FLNB: variants seen among roughly 807,000 people sequenced by gnomAD.
FLNB encodes filamin-B.
Under a neutral mutation model 250.6 loss-of-function variants are expected in FLNB, and 111 were observed. That is an observed-to-expected ratio of 0.44 (90% CI 0.38 to 0.52). The LOEUF (loss-of-function observed/expected upper bound fraction) is 0.52. FLNB is among the 20% of genes least tolerant of loss of function. The probability of loss-of-function intolerance (pLI) is 0.00; values close to 1 mark genes in which losing one functional copy is unlikely to be tolerated. For missense variants in FLNB, 2,869 were observed against 3,447.8 expected (o/e 0.83, Z 4.20); for synonymous variants, 1,302 against 1,372.1 (o/e 0.95, Z 1.13).
intron 36 of FLNB, chr3:58,149,123 CCT>C (rs1003310826): frequency 2.7e-5 from 13 of 474,982 alleles, no homozygotes; most frequent in Admixed American, 1.0e-4. Context: ...CTCGCAAACC[CCT>C]GTTTTCTTAT....
intron 1 of FLNB, among the ~76,000 whole-genome samples, chr3:58,067,853 G>A (rs185949478): frequency 7.5e-4 from 114 of 152,256 alleles, no homozygotes; most frequent in South Asian, 6.6e-3. Flanking sequence ...GGGATTACAG[G>A]CGTGAGCCAC....
chr3:58,112,161 G>A lies in FLNB; in HGVS notation c.2588G>A (p.Gly863Glu), dbSNP rs550824256. 10 of 1,614,094 alleles carry A rather than the reference G, an allele frequency of 6.2e-6. No homozygotes were observed. The highest frequency in any genetic ancestry group is 6.8e-6 in the Non-Finnish European group (8 of 1,179,998). Residue 863 changes from glycine (G) to glutamate (E), a missense_variant, in exon 18 of 46, where the codon GGG becomes GAG. By Grantham distance (98) the Gly-to-Glu change is moderately conservative. Around this residue, in one of 5 missense-constraint regions of FLNB, gnomAD observed 1,348 missense variants for 1,466.7 expected, o/e 0.92. Coordinates refer to ENST00000295956, the MANE Select transcript of FLNB (RefSeq NM_001457.4). ...PGLSKAGVEN[G>E]KPTHFTVYTK... Reference sequence around the variant, plus strand: ...TATATCTTTCCAGGTGTGGAAAATGGGAAACCGACCCACTTCACTGTCTAC... The same window carrying A: ...TATATCTTTCCAGGTGTGGAAAATGAGAAACCGACCCACTTCACTGTCTAC...
intron 32 of FLNB, among the ~76,000 whole-genome samples, chr3:58,143,974 C>T (rs538904383): frequency 1.1e-3 from 170 of 152,222 alleles, no homozygotes; most frequent in African/African-American, 4.0e-3. Context: ...GGGGCCAGGT[C>T]AGAGGTGGAA....
At chr3:58,067,929 T>G (rs1305627030) in intron 1 of FLNB, among the ~76,000 whole-genome samples, 1 of 151,700 alleles carries the variant, frequency 6.6e-6, no homozygotes, top group East Asian at 1.9e-4. Context: ...GCATGTAGAG[T>G]GTGGGTTTTT....
chr3:58,073,096 G>T (rs1026170824), intron 1 of FLNB, among the ~76,000 whole-genome samples: 31 of 152,094 alleles, frequency 2.0e-4, no homozygotes, highest in Non-Finnish European at 2.1e-4. Flanking sequence ...TGGTGCAAGA[G>T]ATCAATGCCT....
chr3:58,146,648 A>G, intron 33 of FLNB, 172 bp from the exon 34 acceptor site: 1 of 667,622 alleles, frequency 1.5e-6, no homozygotes, highest in South Asian at 1.8e-5. Context: ...GGGTGTTTTT[A>G]CTGCGTGGAC....
At chr3:58,129,128 A>C (rs1308614159) in intron 24 of FLNB, among the ~76,000 whole-genome samples, 1 of 152,194 alleles carries the variant, frequency 6.6e-6, no homozygotes, top group Non-Finnish European at 1.5e-5. Context: ...GGCCTGGTTA[A>C]AAACCCGGAG....
At chr3:58,149,180 C>G (rs2097340825) in intron 36 of FLNB, 2 of 379,314 alleles carry the variant, frequency 5.3e-6, no homozygotes, top group South Asian at 4.6e-5. Flanking sequence ...TCTCTCCAAG[C>G]AAAGAATGTT....
intron 1 of FLNB, among the ~76,000 whole-genome samples, chr3:58,060,769 C>CAAAAAAAAAAAAAAAAAAAAAA (rs71091334): frequency 3.1e-5 from 2 of 64,208 alleles, no homozygotes; most frequent in Non-Finnish European, 5.7e-5. Flanking sequence ...GACCTTGTCT[C>CAAAAAAAAAAAAAAAAAAAAAA]AAAAAAAAAA....
In FLNB at chr3:58,110,173, A is replaced by G; in HGVS notation, c.2484+3A>G. On this transcript the variant is annotated splice_donor_region_variant and intron_variant, in intron 16 of 45. Transcript: ENST00000295956. The stretch of plus-strand genomic sequence containing the variant: ...TCAAAGTTCTCTTTGCATCTCAGGT[A>G]CGTGGTGGGGCCTGGGAGGAGATGG... The G allele has an allele frequency of 5.6e-6, 9 of 1,614,156 alleles. No homozygotes were observed. Among genetic ancestry groups the G allele is most frequent in the Non-Finnish European group, 7.6e-6 (9 of 1,180,014 alleles).
Position 58,146,838 on chromosome 3 carries a change from T to C in FLNB, c.5573T>C (p.Ile1858Thr). 2 of 1,614,226 alleles carry C rather than the reference T, an allele frequency of 1.2e-6. No homozygotes were observed. The highest frequency in any genetic ancestry group is 8.5e-7 in the Non-Finnish European group (1 of 1,180,050). The change falls in exon 34 of 46, where the codon ATT becomes ACT. Residue 1858 changes from isoleucine to threonine, a missense_variant. This residue lies in a region of FLNB where 1,084 missense variants were observed against 1,315.5 expected (regional missense o/e 0.82). Coordinates refer to ENST00000295956, the MANE Select transcript of FLNB (RefSeq NM_001457.4). ...DAGEGGLDLA[I>T]EGPSKAEISC... ...CTTGTAGGTGGTCTGGACTTGGCTATTGAGGGCCCCTCAAAAGCAGAAATC... is the reference window on the plus strand; with the variant it reads ...CTTGTAGGTGGTCTGGACTTGGCTACTGAGGGCCCCTCAAAAGCAGAAATC...
At chr3:58,085,993 T>G (rs535870551) in intron 4 of FLNB, among the ~76,000 whole-genome samples, 1 of 152,254 alleles carries the variant, frequency 6.6e-6, no homozygotes, top group East Asian at 1.9e-4. Flanking sequence ...TACTTACTTA[T>G]TTTTGTTGTT....
intron 1 of FLNB, among the ~76,000 whole-genome samples, chr3:58,071,372 A>G (rs1212386834): frequency 1.4e-5 from 2 of 142,130 alleles, no homozygotes; most frequent in Admixed American, 7.7e-5. Context: ...TATGGCTCCC[A>G]GGTTCAAGCG....
In FLNB at chr3:58,031,647, G is replaced by A. The variant is rs185873701; in HGVS notation, c.292+22791G>A. On this transcript the variant is annotated intron_variant, in intron 1 of 45. Coordinates refer to ENST00000295956, the MANE Select transcript of FLNB (RefSeq NM_001457.4). ...GCTCACTGCAGCTTCCACCTCCCAG[G>A]CTCAAGCAATCCTCCCACCTCAGCC... Among the ~76,000 whole-genome samples, 528 of 146,772 alleles carry A rather than the reference G, an allele frequency of 3.6e-3. 3 individuals carry two copies. The highest frequency in any genetic ancestry group is 0.029 in the South Asian group (134 of 4,628).
intron 1 of FLNB, among the ~76,000 whole-genome samples, chr3:58,023,111 CTTTTTTTTTT>C (rs61047967): frequency 1.1e-4 from 11 of 97,380 alleles, no homozygotes; most frequent in Non-Finnish European, 1.9e-4. Context: ...CGAACTCGGC[CTTTTTTTTTT>C]TTTTTTTTGA....
chr3:58,086,487 T>C (rs1321866672), intron 4 of FLNB, among the ~76,000 whole-genome samples: 1 of 152,210 alleles, frequency 6.6e-6, no homozygotes, highest in Non-Finnish European at 1.5e-5. Flanking sequence ...AGTTAAACTG[T>C]GTATCTTCTT....
chr3:58,133,437 G>GGA (rs1559718700), intron 26 of FLNB, among the ~76,000 whole-genome samples: 2 of 67,602 alleles, frequency 3.0e-5, no homozygotes, highest in African/African-American at 8.6e-5. Flanking sequence ...GACATCTCTG[G>GGA]AAAAAAAAAA....
chr3:58,023,565 AG>A (rs2097117805), intron 1 of FLNB, among the ~76,000 whole-genome samples: 1 of 152,218 alleles, frequency 6.6e-6, no homozygotes, highest in Non-Finnish European at 1.5e-5. Flanking sequence ...TAATCAGAAT[AG>A]GGAAGAAAGA....
In FLNB at chr3:58,123,394, T is replaced by G; in HGVS notation, c.3428T>G (p.Leu1143Arg). The change falls in exon 21 of 46, where the codon CTC becomes CGC. Residue 1143 changes from leucine to arginine, a missense_variant. Physicochemically the swap from Leu to Arg is moderately radical, Grantham distance 102. This residue lies in a region of FLNB where 1,348 missense variants were observed against 1,466.7 expected (regional missense o/e 0.92). Coordinates refer to ENST00000295956, the MANE Select transcript of FLNB (RefSeq NM_001457.4). The stretch of plus-strand genomic sequence containing the variant: ...AAAGTCGTGGCATCGGGGCCAGGTC[T>G]CGAGCACGGGAAGGTGGGTGAAGCT... ...PSKVVASGPG[L>R]EHGKVGEAGL... 1 of 1,614,140 alleles carries G rather than the reference T, an allele frequency of 6.2e-7. No homozygotes were observed. The highest frequency in any genetic ancestry group is 8.5e-7 in the Non-Finnish European group (1 of 1,180,030).
Sources: gnomAD v4.1 joint callset for allele counts (sites outside exome capture counted in the v4.1 genomes callset) on GRCh38, gnomAD v4.1.1 for gene constraint, gnomAD v4.1.1 regional missense constraint, MANE v1.5 for transcripts, NCBI Gene and HGNC (gene_info 2026-07-23, HGNC 2026-07-21) for gene names.